Variants in HPCA observed in about 807,000 individuals in gnomAD.
HPCA encodes the protein neuron-specific calcium-binding protein hippocalcin.
HPCA carries 4 observed loss-of-function variants against 18.2 expected under a neutral mutation model. The observed-to-expected ratio is 0.22, with a 90% CI of 0.11 to 0.50. The LOEUF (loss-of-function observed/expected upper bound fraction) is 0.50. HPCA is among the 20% of genes least tolerant of loss of function. The pLI, the probability that HPCA is intolerant of heterozygous loss-of-function variation, is 0.97. For missense variants in HPCA, 161 were observed against 265.8 expected (o/e 0.61, Z 2.74); for synonymous variants, 93 against 103.5 (o/e 0.90, Z 0.61).
rs933337371 is a variant in HPCA at position 32,889,628 on chromosome 1, C to A, written c.378+352C>A. 1.4e-4 allele frequency among the ~76,000 whole-genome samples: 22 copies of A among 152,292 alleles called. No homozygotes were observed. The highest frequency in any genetic ancestry group is 5.3e-4 in the African/African-American group (22 of 41,546). ...TATATTTCCTAAAAATAAGCACATT[C>A]TCTTACATAACCCATAATATGATTA... On this transcript the variant is annotated intron_variant, in intron 2 of 3. Coordinates refer to ENST00000373467, the MANE Select transcript of HPCA (RefSeq NM_002143.3). This position sits in a 1 kb window ranked among gnomAD's most constrained non-coding sequence, Gnocchi z 4.6.
At chr1:32,890,817 C>T (rs1641441644) in intron 2 of HPCA, among the ~76,000 whole-genome samples, 2 of 152,250 alleles carry the variant, frequency 1.3e-5, no homozygotes, top group Admixed American at 6.5e-5. Context: ...TGGGTCTTCT[C>T]TCCAGGTGGA....
rs193201999 is a variant in HPCA at position 32,892,542 on chromosome 1, G to A, written c.379-982G>A. ...GGGTGCAAGGCGGGCCTAAGAGGAG[G>A]CCTGTGTGTGACGGGAGTGAGGGGG... On this transcript the variant is annotated intron_variant, in intron 2 of 3. Transcript: ENST00000373467. Among the ~76,000 whole-genome samples the A allele has an allele frequency of 1.1e-4, 17 of 152,280 alleles. No individual in the cohort carries two copies. In the East Asian group the frequency reaches 1.5e-3, roughly 14 times the overall value.
chr1:32,888,696 A>G (rs112671275), intron 1 of HPCA, among the ~76,000 whole-genome samples, 182 bp from the exon 2 acceptor site: 11 of 152,206 alleles, frequency 7.2e-5, no homozygotes, highest in African/African-American at 2.4e-4. Context: ...GATGGTGTGG[A>G]GCATGGCATA....
intron 1 of HPCA, among the ~76,000 whole-genome samples, 167 bp from the exon 2 acceptor site, chr1:32,888,711 C>T (rs1570016918): frequency 5.9e-5 from 9 of 152,280 alleles, no homozygotes; most frequent in Admixed American, 5.9e-4. Flanking sequence ...GGCATAGATA[C>T]AGGATGCCTG....
chr1:32,890,478 G>C (rs1641436926), intron 2 of HPCA, among the ~76,000 whole-genome samples: 1 of 152,226 alleles, frequency 6.6e-6, no homozygotes, highest in African/African-American at 2.4e-5. Context: ...TAAAGTGGGG[G>C]TGTTAATCCC....
chr1:32,888,831 G>A (rs1641411282), intron 1 of HPCA, 47 bp from the exon 2 acceptor site: 3 of 1,510,928 alleles, frequency 2.0e-6, no homozygotes, highest in African/African-American at 2.8e-5. Flanking sequence ...TAGTAGCCAG[G>A]AGGGCCTGAT....
chr1:32,887,973 G>C (rs1274043698), intron 1 of HPCA, among the ~76,000 whole-genome samples: 1 of 151,002 alleles, frequency 6.6e-6, no homozygotes, highest in Non-Finnish European at 1.5e-5. Flanking sequence ...TGGATCTGGT[G>C]AGCTATGAAG....
intron 2 of HPCA, among the ~76,000 whole-genome samples, chr1:32,891,062 G>T (rs1641445444): frequency 6.6e-6 from 1 of 152,234 alleles, no homozygotes; most frequent in Admixed American, 6.5e-5. Flanking sequence ...TGTTGCACTG[G>T]TGTGTACTGG....
At position 32,893,817 on chromosome 1, in the gene HPCA, C is replaced by T; in HGVS notation, c.537C>T (p.Ile179=). 3 of 1,580,630 alleles carry T rather than the reference C, an allele frequency of 1.9e-6. No homozygotes were observed. Among genetic ancestry groups the T allele is most frequent in the Non-Finnish European group, 2.6e-6 (3 of 1,164,142 alleles). Residue 179 remains isoleucine (I), a synonymous_variant, in exon 4 of 4, where the codon ATC becomes ATT. Coordinates refer to ENST00000373467, the MANE Select transcript of HPCA (RefSeq NM_002143.3). This position sits in a 1 kb window ranked among gnomAD's most constrained non-coding sequence, Gnocchi z 7.5. ...FIRGAKSDPS[I]VRLLQCDPSS... is the part of the protein sequence containing the mutation. ...GCGGGGCCAAAAGCGACCCGTCCATCGTGCGTCTGCTGCAGTGCGACCCCA... is the reference window on the plus strand; with the variant it reads ...GCGGGGCCAAAAGCGACCCGTCCATTGTGCGTCTGCTGCAGTGCGACCCCA...
At chr1:32,890,911 C>T (rs1254324760) in intron 2 of HPCA, among the ~76,000 whole-genome samples, 2 of 152,248 alleles carry the variant, frequency 1.3e-5, no homozygotes, top group Non-Finnish European at 2.9e-5. Flanking sequence ...AGGCATTTGA[C>T]TCTTTAGTTG....
chr1:32,887,185 A>G (rs1448451992), intron 1 of HPCA, among the ~76,000 whole-genome samples: 1 of 152,176 alleles, frequency 6.6e-6, no homozygotes, highest in Non-Finnish European at 1.5e-5. Flanking sequence ...CACACCGCCG[A>G]GGACACACAC....
chr1:32,892,432 C>G (rs1641465610), intron 2 of HPCA, among the ~76,000 whole-genome samples: 1 of 152,182 alleles, frequency 6.6e-6, no homozygotes, highest in South Asian at 2.1e-4. Context: ...TGCACCCTGA[C>G]CCAGCCTGGG....
rs772554177 is a variant in HPCA at position 32,893,576 on chromosome 1, C to T, written c.431C>T (p.Thr144Ile). 1.2e-6 allele frequency: 2 copies of T among 1,613,902 alleles called. No individual in the cohort carries two copies. Among genetic ancestry groups the T allele is most frequent in the Non-Finnish European group, 1.7e-6 (2 of 1,179,878 alleles). ...ATGAAGATGCCGGAGGACGAGTCGA[C>T]CCCGGAAAAGAGGACTGAGAAAATC... ...SVMKMPEDES[T>I]PEKRTEKIFR... Residue 144 changes from threonine to isoleucine, a missense_variant, in exon 3 of 4, where the codon ACC (threonine) becomes ATC (isoleucine). Thr to Ile is a moderately conservative substitution (Grantham distance 89). Transcript: ENST00000373467. This position sits in a 1 kb window ranked among gnomAD's most constrained non-coding sequence, Gnocchi z 7.5.
At position 32,893,535 on chromosome 1, in the gene HPCA, G is replaced by A. The variant is rs1364841880; in HGVS notation, c.390G>A (p.Lys130=). 1 of 1,611,168 alleles carries A rather than the reference G, an allele frequency of 6.2e-7. No individual in the cohort carries two copies. Among genetic ancestry groups the A allele is most frequent in the Non-Finnish European group, 8.5e-7 (1 of 1,178,032 alleles). ...EMLEIVQAIY[K]MVSSVMKMPE... is the part of the protein sequence containing the mutation. Reference sequence around the variant, plus strand: ...CCTCCCGCCCCCAGGCCATTTACAAGATGGTTTCGTCCGTGATGAAGATGC... The same window carrying A: ...CCTCCCGCCCCCAGGCCATTTACAAAATGGTTTCGTCCGTGATGAAGATGC... Residue 130 remains lysine, a synonymous_variant, in exon 3 of 4, where the codon AAG becomes AAA. Transcript: ENST00000373467. The surrounding 1 kb of genome is among the most constrained non-coding windows in gnomAD (Gnocchi z 7.5).
In HPCA at chr1:32,894,536, G is replaced by C; in HGVS notation, c.*674G>C. The C allele has an allele frequency of 2.2e-6, 1 of 454,514 alleles. No homozygotes were observed. Among genetic ancestry groups the C allele is most frequent in the South Asian group, 3.9e-5 (1 of 25,788 alleles). 28.2% of individuals were successfully genotyped at this position (454,514 alleles called of 1,614,324 possible). ...GTGGGAAAGAGACACGGTCCCCCTGGCTGAGCCCCTGTCCTCCCCTCTGTC... is the reference window on the plus strand; with the variant it reads ...GTGGGAAAGAGACACGGTCCCCCTGCCTGAGCCCCTGTCCTCCCCTCTGTC... On this transcript the variant is annotated 3_prime_UTR_variant, in exon 4 of 4. Coordinates refer to ENST00000373467, the MANE Select transcript of HPCA (RefSeq NM_002143.3).
At chr1:32,887,018 A>C (rs1641381193) in intron 1 of HPCA, among the ~76,000 whole-genome samples, 1 of 152,144 alleles carries the variant, frequency 6.6e-6, no homozygotes. Flanking sequence ...CCGGTGACCC[A>C]GTTCCTTGGA....
chr1:32,890,103 A>G (rs1171845369), intron 2 of HPCA, among the ~76,000 whole-genome samples: 1 of 152,196 alleles, frequency 6.6e-6, no homozygotes, highest in African/African-American at 2.4e-5. Flanking sequence ...CAACAACCCC[A>G]TGAGGCTCAG....
chr1:32,890,134 A>C (rs1032034507), intron 2 of HPCA, among the ~76,000 whole-genome samples: 3 of 152,214 alleles, frequency 2.0e-5, no homozygotes, highest in African/African-American at 7.2e-5. Context: ...TGATGTGCCC[A>C]AAATCACACA....
Position 32,893,640 on chromosome 1 carries a change from G to A in HPCA, c.484+11G>A. The A allele has an allele frequency of 2.5e-6, 4 of 1,600,968 alleles. No individual in the cohort carries two copies. The highest frequency in any genetic ancestry group is 3.4e-6 in the Non-Finnish European group (4 of 1,168,432). ...ACACAAACAACGACGGTGAGGGGCAGGGGCGGGACGGGGTGGACGGGGCGG... is the reference window on the plus strand; with the variant it reads ...ACACAAACAACGACGGTGAGGGGCAAGGGCGGGACGGGGTGGACGGGGCGG... On this transcript the variant is annotated intron_variant, in intron 3 of 3. Transcript: ENST00000373467. The surrounding 1 kb of genome is among the most constrained non-coding windows in gnomAD (Gnocchi z 7.5).
Sources: gnomAD v4.1 joint callset for allele counts (sites outside exome capture counted in the v4.1 genomes callset) on GRCh38, gnomAD v4.1.1 for gene constraint, Gnocchi (gnomAD v3.1) non-coding constraint, MANE v1.5 for transcripts, NCBI Gene and HGNC (gene_info 2026-07-23, HGNC 2026-07-21) for gene names.